Variants in ATP2B3 observed in about 807,000 individuals in gnomAD.
ATP2B3 encodes plasma membrane calcium-transporting ATPase 3.
ATP2B3 carries 12 observed loss-of-function variants against 70.8 expected under a neutral mutation model. The observed-to-expected ratio is 0.17, with a 90% CI of 0.11 to 0.27. ATP2B3 has a LOEUF of 0.27. Ranked by LOEUF, ATP2B3 falls within the 10% of genes least tolerant of loss-of-function variation. The probability of loss-of-function intolerance (pLI) is 1.00; values close to 1 mark genes in which losing one functional copy is unlikely to be tolerated. For synonymous variants in ATP2B3, 460 were observed against 497.8 expected (o/e 0.92, Z 1.01); for missense variants, 858 against 1,118.5 (o/e 0.77, Z 3.32).
chrX:153,545,448 A>G (rs1481595536), intron 7 of ATP2B3, among the ~76,000 whole-genome samples: 2 of 113,111 alleles, frequency 1.8e-5, no homozygotes, highest in African/African-American at 6.4e-5. Context: ...AGGCAGGTGA[A>G]TCACTTGAGG....
In ATP2B3 at chrX:153,546,074, C is replaced by G; in HGVS notation, c.917-14C>G. 2.5e-6 allele frequency: 3 copies of G among 1,211,358 alleles called. No individual in the cohort carries two copies. Among genetic ancestry groups the G allele is most frequent in the Non-Finnish European group, 3.4e-6 (3 of 895,259 alleles). ...CCTCAAGCCTTCGTGTCTGTCATCC[C>G]TCTTCCATTGTAGGCAAGCAGCAGG... On this transcript the variant is annotated splice_polypyrimidine_tract_variant and intron_variant, in intron 7 of 21. Coordinates refer to ENST00000263519, the MANE Select transcript of ATP2B3 (RefSeq NM_001001344.3).
Position 153,526,075 on chromosome X carries a change from G to T in ATP2B3, c.-127+7524G>T, listed in dbSNP as rs114744004. Among the ~76,000 whole-genome samples, 5 of 112,386 alleles carry T rather than the reference G, an allele frequency of 4.4e-5. No homozygotes were observed. In the Admixed American group the frequency reaches 4.6e-4, roughly 10 times the overall value. On this transcript the variant is annotated intron_variant, in intron 2 of 21. Coordinates refer to ENST00000263519, the MANE Select transcript of ATP2B3 (RefSeq NM_001001344.3). ...CTGGGCTATAGCACAATCGTGGGAG[G>T]GGGTATCTGAGATGGAGACGGGCAG... is the stretch of plus-strand genomic sequence containing the variant.
At chrX:153,568,274 C>T (rs1016403533) in intron 21 of ATP2B3, among the ~76,000 whole-genome samples, 10 of 111,757 alleles carry the variant, frequency 8.9e-5, no homozygotes, top group Non-Finnish European at 1.7e-4. Flanking sequence ...CAAAGAGAAG[C>T]TTCGTCAGCA....
intron 12 of ATP2B3, among the ~76,000 whole-genome samples, chrX:153,551,428 T>C (rs2090455182): frequency 8.9e-6 from 1 of 112,294 alleles, no homozygotes; most frequent in South Asian, 3.7e-4. Context: ...TGTCTTTTTA[T>C]TGTTGGGCTG....
At position 153,553,278 on chromosome X, in the gene ATP2B3, C is replaced by T; in HGVS notation, c.2058+9C>T. 1 of 1,190,954 alleles carries T rather than the reference C, an allele frequency of 8.4e-7. No homozygotes were observed. The highest frequency in any genetic ancestry group is 1.1e-6 in the Non-Finnish European group (1 of 879,752). On this transcript the variant is annotated intron_variant, in intron 13 of 21. Coordinates refer to ENST00000263519, the MANE Select transcript of ATP2B3 (RefSeq NM_001001344.3). The stretch of plus-strand genomic sequence containing the variant: ...ACCCTGTGCGGCCCGAGGTAGCCAC[C>T]ACCTTCTCTGTGAGCTGCCCTGGTA...
intron 21 of ATP2B3, among the ~76,000 whole-genome samples, chrX:153,573,802 G>A (rs1320569708): frequency 2.7e-5 from 3 of 112,412 alleles, no homozygotes; most frequent in Admixed American, 9.3e-5. Flanking sequence ...ACACTGACTC[G>A]CCGCGCCCAG....
At chrX:153,566,522 G>A (rs1436872361) in intron 21 of ATP2B3, among the ~76,000 whole-genome samples, 1 of 111,811 alleles carries the variant, frequency 8.9e-6, no homozygotes, top group Non-Finnish European at 1.9e-5. Context: ...CAAGGGCCGA[G>A]TCTCAAGGGA....
chrX:153,538,361 G>A (rs1173515824), intron 3 of ATP2B3, among the ~76,000 whole-genome samples: 1 of 113,169 alleles, frequency 8.8e-6, no homozygotes, highest in Non-Finnish European at 1.9e-5. Flanking sequence ...ATGGCGCATA[G>A]TGCATTGCGG....
chrX:153,518,805 C>T (rs781963339), intron 2 of ATP2B3, among the ~76,000 whole-genome samples: 4 of 111,710 alleles, frequency 3.6e-5, no homozygotes, highest in Admixed American at 2.8e-4. Flanking sequence ...GGGAAGGGAC[C>T]AGAATTCCTC....
chrX:153,540,190 C>G (rs782311798), intron 3 of ATP2B3, among the ~76,000 whole-genome samples: 2 of 112,577 alleles, frequency 1.8e-5, no homozygotes, highest in East Asian at 2.8e-4. Context: ...ACAGGGCCCT[C>G]TCCACCTCCG....
At chrX:153,579,710 G>A (rs1603139653) in intron 21 of ATP2B3, among the ~76,000 whole-genome samples, 1 of 111,175 alleles carries the variant, frequency 9.0e-6, no homozygotes, top group Non-Finnish European at 1.9e-5. Context: ...CATGCGGATC[G>A]GTTGACGAGA....
intron 3 of ATP2B3, among the ~76,000 whole-genome samples, chrX:153,539,408 G>A (rs782203252): frequency 8.9e-6 from 1 of 112,915 alleles, no homozygotes; most frequent in South Asian, 3.7e-4. Context: ...CGCCTAGCTG[G>A]GGTGAATGAG....
At position 153,559,889 on chromosome X, in the gene ATP2B3, T is replaced by C; in HGVS notation, c.2786T>C (p.Ile929Thr). Reference sequence around the variant, plus strand: ...ATCTCCCGCACCATGATGAAGAACATTCTGGGCCACGCCGTGTACCAGCTC... The same window carrying C: ...ATCTCCCGCACCATGATGAAGAACACTCTGGGCCACGCCGTGTACCAGCTC... ...PLISRTMMKN[I>T]LGHAVYQLAI... Residue 929 changes from isoleucine to threonine, a missense_variant, in exon 18 of 22, where the codon ATT (isoleucine) becomes ACT (threonine). Around this residue, in one of 5 missense-constraint regions of ATP2B3, gnomAD observed 265 missense variants for 305.3 expected, o/e 0.87. Coordinates refer to ENST00000263519, the MANE Select transcript of ATP2B3 (RefSeq NM_001001344.3). 8.3e-7 allele frequency: 1 copy of C among 1,211,777 alleles called. No individual in the cohort carries two copies. The highest frequency in any genetic ancestry group is 1.1e-6 in the Non-Finnish European group (1 of 895,490).
In ATP2B3 at chrX:153,559,714, G is replaced by T. The variant is rs371803995; in HGVS notation, c.2626-15G>T. ...GCAGGCGGCCCATGGAAAGGTGACTGCCTCCTCTCCATAGGACTCTCCTCT... is the reference window on the plus strand; with the variant it reads ...GCAGGCGGCCCATGGAAAGGTGACTTCCTCCTCTCCATAGGACTCTCCTCT... On this transcript the variant is annotated splice_polypyrimidine_tract_variant and intron_variant, in intron 17 of 21. Transcript: ENST00000263519. 3 of 1,200,551 alleles carry T rather than the reference G, an allele frequency of 2.5e-6. No homozygotes were observed. The African/African-American group carries it at 5.3e-5, about 21-fold the overall frequency.
rs781785360 is a variant in ATP2B3 at position 153,580,630 on chromosome X, A to T, written c.*332A>T. On this transcript the variant is annotated 3_prime_UTR_variant, in exon 22 of 22. Coordinates refer to ENST00000263519, the MANE Select transcript of ATP2B3 (RefSeq NM_001001344.3). ...GAAAGTGCGAAGAGCTGAGTTCCCCACCTTTTTTTCTATTGATGCTTCTTT... is the reference window on the plus strand; with the variant it reads ...GAAAGTGCGAAGAGCTGAGTTCCCCTCCTTTTTTTCTATTGATGCTTCTTT... 1.5e-4 allele frequency: 35 copies of T among 234,807 alleles called. No homozygotes were observed. The South Asian group carries it at 4.7e-3, about 32-fold the overall frequency. The allele number at this position is 234,807 out of a possible 1,213,427, so 19.4% of individuals were successfully genotyped here.
At chrX:153,521,282 G>GT (rs1230214581) in intron 2 of ATP2B3, among the ~76,000 whole-genome samples, 1 of 113,256 alleles carries the variant, frequency 8.8e-6, no homozygotes, top group African/African-American at 3.2e-5. Flanking sequence ...CTTCTGTTGG[G>GT]TGGGCGGTGC....
chrX:153,546,328 T>C (rs2090365795), intron 8 of ATP2B3, among the ~76,000 whole-genome samples, 199 bp downstream of exon 8: 1 of 112,156 alleles, frequency 8.9e-6, no homozygotes, highest in African/African-American at 3.2e-5. Context: ...CAGGGCATCC[T>C]GGCCACAGAC....
rs782497346 is a variant in ATP2B3 at position 153,548,736 on chromosome X, C to T, written c.1220C>T (p.Thr407Met). 8.3e-7 allele frequency: 1 copy of T among 1,211,287 alleles called. No individual in the cohort carries two copies. Among genetic ancestry groups the T allele is most frequent in the Middle Eastern group, 2.3e-4 (1 of 4,337 alleles). ...VEGRTWLAEC[T>M]PVYVQYFVKF... ...GGCCGGACATGGCTGGCAGAGTGCA[C>T]GCCGGTCTATGTACAATACTTCGTG... The change falls in exon 10 of 22, where the codon ACG (threonine) becomes ATG (methionine). Residue 407 changes from threonine to methionine, a missense_variant. By Grantham distance (81) the Thr-to-Met change is moderately conservative (BLOSUM62 -1). Transcript: ENST00000263519.
chrX:153,559,679 AC>A (rs2090594045), intron 17 of ATP2B3, 49 bp from the exon 18 acceptor site: 1 of 1,157,260 alleles, frequency 8.6e-7, no homozygotes, highest in Non-Finnish European at 1.2e-6. Context: ...TCCACCCCCA[AC>A]CTTCCCGGGC....
Sources: gnomAD v4.1 joint callset for allele counts (sites outside exome capture counted in the v4.1 genomes callset) on GRCh38, gnomAD v4.1.1 for gene constraint, gnomAD v4.1.1 regional missense constraint, MANE v1.5 for transcripts, NCBI Gene and HGNC (gene_info 2026-07-23, HGNC 2026-07-21) for gene names.